AMBRA1: variants seen among roughly 807,000 people sequenced by gnomAD.
AMBRA1 encodes the protein autophagy and beclin 1 regulator 1, also known as activating molecule in BECN1-regulated autophagy protein 1.
Under a neutral mutation model 125.4 loss-of-function variants are expected in AMBRA1, and 47 were observed. The ratio of observed to expected loss-of-function variants is 0.37; its 90% confidence interval spans 0.30 to 0.48. The LOEUF (loss-of-function observed/expected upper bound fraction) is 0.48. Among genes scored for constraint, AMBRA1 ranks in the 20% least tolerant of loss-of-function variants. The probability of loss-of-function intolerance (pLI) is 0.99; values close to 1 mark genes in which losing one functional copy is unlikely to be tolerated. For missense variants in AMBRA1, 1,331 were observed against 1,693.4 expected (o/e 0.79, Z 3.76); for synonymous variants, 626 against 655.5 (o/e 0.95, Z 0.69).
intron 11 of AMBRA1, among the ~76,000 whole-genome samples, chr11:46,465,062 T>TA (rs1054506327): frequency 4.1e-4 from 62 of 150,022 alleles, no homozygotes; most frequent in Middle Eastern, 3.4e-3. Context: ...AAATAAAAAA[T>TA]AAAAAAAAAT....
At chr11:46,492,580 G>A (rs1354252177) in intron 11 of AMBRA1, among the ~76,000 whole-genome samples, 1 of 152,194 alleles carries the variant, frequency 6.6e-6, no homozygotes, top group African/African-American at 2.4e-5. Flanking sequence ...GGAGGTGGGA[G>A]GGAGGTAGGG....
intron 1 of AMBRA1, among the ~76,000 whole-genome samples, chr11:46,563,131 A>T (rs1458549039): frequency 6.6e-6 from 1 of 152,158 alleles, no homozygotes; most frequent in Non-Finnish European, 1.5e-5. Context: ...AGAGTCAAGC[A>T]AGGTAGATCA....
intron 14 of AMBRA1, among the ~76,000 whole-genome samples, chr11:46,425,413 T>C (rs1947078467): frequency 6.6e-6 from 1 of 151,998 alleles, no homozygotes. Context: ...TTTTTACAAA[T>C]ATATGAATTG....
At chr11:46,515,940 C>T (rs1235564647) in intron 7 of AMBRA1, among the ~76,000 whole-genome samples, 1 of 152,184 alleles carries the variant, frequency 6.6e-6, no homozygotes, top group Non-Finnish European at 1.5e-5. Context: ...TCCCAAAGTG[C>T]TGGGATTACA....
intron 13 of AMBRA1, among the ~76,000 whole-genome samples, chr11:46,434,493 TG>T (rs1475964885): frequency 6.6e-6 from 1 of 152,156 alleles, no homozygotes; most frequent in Non-Finnish European, 1.5e-5. Flanking sequence ...TGTAAATCTT[TG>T]TATAGTTTTC....
At chr11:46,530,116 C>A (rs1446515544) in intron 7 of AMBRA1, among the ~76,000 whole-genome samples, 1 of 152,090 alleles carries the variant, frequency 6.6e-6, no homozygotes, top group African/African-American at 2.4e-5. Context: ...TGAATAGATA[C>A]AGTAGAGAAG....
intron 1 of AMBRA1, among the ~76,000 whole-genome samples, chr11:46,561,671 G>C (rs1163475978): frequency 6.6e-6 from 1 of 152,170 alleles, no homozygotes; most frequent in Admixed American, 6.5e-5. Context: ...GCCCAGGTCA[G>C]GTTCTTGGCT....
At chr11:46,590,086 T>C (rs997466148) in intron 1 of AMBRA1, among the ~76,000 whole-genome samples, 1 of 151,880 alleles carries the variant, frequency 6.6e-6, no homozygotes, top group Non-Finnish European at 1.5e-5. Flanking sequence ...AGTATAAAAA[T>C]GTATGGCCGA....
intron 7 of AMBRA1, among the ~76,000 whole-genome samples, chr11:46,516,634 C>T (rs962294103): frequency 5.9e-5 from 9 of 151,850 alleles, no homozygotes; most frequent in African/African-American, 1.7e-4. Flanking sequence ...AGGGTTTCAC[C>T]GTGTTAGCCA....
intron 12 of AMBRA1, among the ~76,000 whole-genome samples, chr11:46,440,833 AT>A (rs1421705982): frequency 6.6e-6 from 1 of 152,232 alleles, no homozygotes; most frequent in African/African-American, 2.4e-5. Context: ...CAAGACTGGC[AT>A]CAGGAAATGC....
intron 11 of AMBRA1, among the ~76,000 whole-genome samples, chr11:46,480,127 T>C (rs1950001117): frequency 6.6e-6 from 1 of 152,182 alleles, no homozygotes; most frequent in Non-Finnish European, 1.5e-5. Flanking sequence ...CTTCCACTTT[T>C]AATAGCTCAT....
intron 1 of AMBRA1, among the ~76,000 whole-genome samples, chr11:46,552,405 A>G (rs1327765626): frequency 3.2e-5 from 4 of 125,752 alleles, no homozygotes; most frequent in African/African-American, 8.7e-5. Flanking sequence ...AAAAAAAAAA[A>G]GGCCAGGCAC....
chr11:46,490,268 TTGC>T (rs1397547709), intron 11 of AMBRA1, among the ~76,000 whole-genome samples: 2 of 152,136 alleles, frequency 1.3e-5, no homozygotes, highest in Admixed American at 1.3e-4. Context: ...AGAATTTGTG[TTGC>T]TGATGATGAT....
At chr11:46,462,133 T>C (rs1267577041) in intron 11 of AMBRA1, among the ~76,000 whole-genome samples, 2 of 152,216 alleles carry the variant, frequency 1.3e-5, no homozygotes, top group Non-Finnish European at 2.9e-5. Context: ...ATTTTGGTGT[T>C]TCCTTTTCTG....
At position 46,472,980 on chromosome 11, in the gene AMBRA1, C is replaced by A. The variant is rs149784269; in HGVS notation, c.2521+20628G>T. Among the ~76,000 whole-genome samples, 380 of 152,288 alleles carry A rather than the reference C, an allele frequency of 2.5e-3. 3 individuals are homozygous for A. The highest frequency in any genetic ancestry group is 3.6e-3 in the Admixed American group (55 of 15,296). ...GTGACTTCCTCAACCTCAAATCAAC[C>A]TGATATTACAGTAACAGTTTTAGTA... is the stretch of plus-strand genomic sequence containing the variant. On this transcript the variant is annotated intron_variant, in intron 11 of 17. Coordinates refer to ENST00000683756, the MANE Select transcript of AMBRA1 (RefSeq NM_001387011.1).
intron 1 of AMBRA1, among the ~76,000 whole-genome samples, chr11:46,557,314 A>G (rs1433818536): frequency 1.6e-4 from 24 of 151,546 alleles, no homozygotes; most frequent in South Asian, 4.2e-4. Flanking sequence ...AAAAAAAAAA[A>G]AAAGAAAGAA....
chr11:46,501,353 G>C (rs1950829562), intron 9 of AMBRA1, among the ~76,000 whole-genome samples: 1 of 152,186 alleles, frequency 6.6e-6, no homozygotes, highest in Admixed American at 6.5e-5. Context: ...AGTGAGTGTG[G>C]GTGTGTGCAT....
chr11:46,412,412 GT>G (rs1408087919), intron 15 of AMBRA1, among the ~76,000 whole-genome samples: 3 of 152,042 alleles, frequency 2.0e-5, no homozygotes, highest in Non-Finnish European at 4.4e-5. Flanking sequence ...AGCCTCCCGA[GT>G]AGCTGGTACT....
chr11:46,585,799 T>C (rs1339644540), intron 1 of AMBRA1, among the ~76,000 whole-genome samples: 1 of 120,368 alleles, frequency 8.3e-6, no homozygotes, highest in African/African-American at 3.4e-5. Flanking sequence ...AATTGGAAAA[T>C]AACAATAATT....
Sources: allele counts gnomAD v4.1 joint callset (sites outside exome capture counted in the v4.1 genomes callset), GRCh38; gene constraint gnomAD v4.1.1; transcripts MANE v1.5; gene names NCBI Gene and HGNC (gene_info 2026-07-23, HGNC 2026-07-21).